The following TLL2 variants were observed in gnomAD, a reference collection of about 807,000 sequenced individuals.
TLL2 encodes tolloid like 2.
In TLL2, 106 loss-of-function variants were observed where a neutral mutation model predicts 123.0. The observed-to-expected ratio is 0.86, with a 90% CI of 0.74 to 1.01. The LOEUF (loss-of-function observed/expected upper bound fraction) is 1.01, where lower values mean the gene tolerates loss of function less well. TLL2 is among the 50% of genes least tolerant of loss of function. The pLI, the probability that TLL2 is intolerant of heterozygous loss-of-function variation, is 0.00. For missense variants in TLL2, 1,332 were observed against 1,336.7 expected, an observed-to-expected ratio of 1.00 and a Z score of 0.06; for synonymous variants, 494 against 516.8, an observed-to-expected ratio of 0.96 and a Z score of 0.60.
At chr10:96,496,433 A>G (rs575300365) in intron 1 of TLL2, among the ~76,000 whole-genome samples, 4 of 152,048 alleles carry the variant, frequency 2.6e-5, no homozygotes, top group Admixed American at 6.5e-5. Flanking sequence ...AGAGCGCCCT[A>G]CACAGCTAGG....
chr10:96,395,197 A>C lies in TLL2; in HGVS notation c.1716T>G (p.Asn572Lys), dbSNP rs1846326055. The C allele has an allele frequency of 6.2e-7, 1 of 1,602,592 alleles. No homozygotes were observed. The highest frequency in any genetic ancestry group is 1.7e-5 in the Admixed American group (1 of 57,562). The change falls in exon 13 of 21, where the codon AAT becomes AAG. Residue 572 changes from asparagine (N) to lysine (K), a missense_variant. Coordinates refer to ENST00000357947, the MANE Select transcript of TLL2 (RefSeq NM_012465.4). Reference sequence around the variant, plus strand: ...ACTGCTAATTCATACCCTTGAAAAAATTGGCTGCAAAGCCCGCTTTATTGA... The same window carrying C: ...ACTGCTAATTCATACCCTTGAAAAACTTGGCTGCAAAGCCCGCTTTATTGA... ...GSINKAGFAA[N>K]FFKEVDECSW...
chr10:96,375,620 C>T lies in TLL2; in HGVS notation c.2448+1072G>A, dbSNP rs140323788. ...TCTTAGCAGAGCAGCAGTTTCCCCA[C>T]GGGCAGCCCAGCATGTGAACTGCCC... On this transcript the variant is annotated intron_variant, in intron 18 of 20. Coordinates refer to ENST00000357947, the MANE Select transcript of TLL2 (RefSeq NM_012465.4). 2.8e-3 allele frequency among the ~76,000 whole-genome samples: 419 copies of T among 152,296 alleles called. 2 individuals are homozygous for T. The highest frequency in any genetic ancestry group is 5.0e-3 in the Admixed American group (77 of 15,308).
At chr10:96,376,668 CAAT>C in intron 18 of TLL2, 21 bp downstream of exon 18, 1 of 1,609,050 alleles carries the variant, frequency 6.2e-7, no homozygotes, top group Non-Finnish European at 8.5e-7. Flanking sequence ...TCCACATTCT[CAAT>C]AAACTACAAA....
chr10:96,505,486 C>T (rs1847570189), intron 1 of TLL2, among the ~76,000 whole-genome samples: 1 of 152,212 alleles, frequency 6.6e-6, no homozygotes, highest in Non-Finnish European at 1.5e-5. Context: ...GGATGCTTAC[C>T]ATGTTCAGAC....
At chr10:96,439,738 G>A (rs1273995168) in intron 3 of TLL2, among the ~76,000 whole-genome samples, 1 of 152,096 alleles carries the variant, frequency 6.6e-6, no homozygotes, top group East Asian at 1.9e-4. Flanking sequence ...AAGTTGGTAT[G>A]TAATACACTG....
intron 2 of TLL2, among the ~76,000 whole-genome samples, chr10:96,450,458 G>A (rs1846946825): frequency 6.6e-6 from 1 of 152,090 alleles, no homozygotes; most frequent in South Asian, 2.1e-4. Flanking sequence ...AGTTTAAAGA[G>A]TTCCCCAGGT....
intron 1 of TLL2, among the ~76,000 whole-genome samples, chr10:96,490,517 T>C (rs946665640): frequency 1.3e-5 from 2 of 152,212 alleles, no homozygotes; most frequent in South Asian, 2.1e-4. Context: ...AGTAGGGAAC[T>C]AAGCAATGAA....
At chr10:96,400,374 A>G (rs199686133) in intron 10 of TLL2, among the ~76,000 whole-genome samples, 2 of 152,008 alleles carry the variant, frequency 1.3e-5, no homozygotes, top group Admixed American at 6.6e-5. Flanking sequence ...AAAAAAAAAA[A>G]AAAAAACAAA....
intron 1 of TLL2, among the ~76,000 whole-genome samples, chr10:96,506,179 G>A (rs1847576038): frequency 6.9e-6 from 1 of 144,736 alleles, no homozygotes; most frequent in Admixed American, 7.2e-5. Flanking sequence ...TTGAATCCGG[G>A]AAGTGGAGGT....
chr10:96,481,626 G>A (rs1217473441), intron 1 of TLL2, among the ~76,000 whole-genome samples: 1 of 152,210 alleles, frequency 6.6e-6, no homozygotes, highest in East Asian at 1.9e-4. Flanking sequence ...TTTAGTCAAA[G>A]TGTTGCCTGC....
chr10:96,374,371 C>G (rs962390673), intron 18 of TLL2: 1 of 159,528 alleles, frequency 6.3e-6, no homozygotes, highest in Non-Finnish European at 1.4e-5. Flanking sequence ...GAGAGTTGGG[C>G]CATGATCTGG....
chr10:96,467,442 A>G (rs1038076169), intron 2 of TLL2, among the ~76,000 whole-genome samples: 1 of 152,098 alleles, frequency 6.6e-6, no homozygotes, highest in Non-Finnish European at 1.5e-5. Context: ...TATGTTCCCC[A>G]GGCTGGTCTC....
At chr10:96,469,491 C>T (rs1472375909) in intron 2 of TLL2, among the ~76,000 whole-genome samples, 2 of 152,204 alleles carry the variant, frequency 1.3e-5, no homozygotes, top group Non-Finnish European at 2.9e-5. Flanking sequence ...TGTGCCTCTG[C>T]TCTGCCTCTG....
In TLL2 at chr10:96,365,762, C is replaced by G. The variant is rs1426354598; in HGVS notation, c.*2326G>C. On this transcript the variant is annotated 3_prime_UTR_variant, in exon 21 of 21. Coordinates refer to ENST00000357947, the MANE Select transcript of TLL2 (RefSeq NM_012465.4). ...CAAGTGTGGGCTTCCAGAGGAGCGGCCCAGCTAGCCCCAGCTGAATCAGAG... is the reference window on the plus strand; with the variant it reads ...CAAGTGTGGGCTTCCAGAGGAGCGGGCCAGCTAGCCCCAGCTGAATCAGAG... 6.6e-6 allele frequency: 1 copy of G among 152,226 alleles called. No individual in the cohort carries two copies. The highest frequency in any genetic ancestry group is 2.4e-5 in the African/African-American group (1 of 41,462). 9.4% of individuals were successfully genotyped at this position (152,226 alleles called of 1,614,324 possible). A position where few individuals can be genotyped will look rare whatever the true frequency, so the allele number is the denominator to read the frequency against.
At chr10:96,420,737 T>C (rs947950505) in intron 7 of TLL2, among the ~76,000 whole-genome samples, 10 of 152,212 alleles carry the variant, frequency 6.6e-5, no homozygotes, top group Non-Finnish European at 1.0e-4. Flanking sequence ...CATTAGGGCA[T>C]GATGGAATGC....
intron 17 of TLL2, among the ~76,000 whole-genome samples, chr10:96,378,399 G>A (rs1846156546): frequency 1.7e-5 from 1 of 57,494 alleles, no homozygotes; most frequent in Non-Finnish European, 3.5e-5. Context: ...ACCTGGCCCT[G>A]AAGAATTCCC....
At chr10:96,445,181 T>C (rs979653246) in intron 3 of TLL2, among the ~76,000 whole-genome samples, 1 of 152,012 alleles carries the variant, frequency 6.6e-6, no homozygotes, top group Non-Finnish European at 1.5e-5. Context: ...AGAGCGAGAC[T>C]CCACCTCAAA....
chr10:96,390,277 T>G (rs186074809), intron 13 of TLL2, among the ~76,000 whole-genome samples: 338 of 152,308 alleles, frequency 2.2e-3, no homozygotes, highest in Middle Eastern at 0.01. Context: ...AGAAATCCCT[T>G]GAGGGAAGCC....
At chr10:96,380,933 C>T (rs536765900) in intron 16 of TLL2, among the ~76,000 whole-genome samples, 71 of 151,152 alleles carry the variant, frequency 4.7e-4, no homozygotes, top group African/African-American at 1.1e-3. Flanking sequence ...GCGGAGATTG[C>T]GCCATTGCAC....
Sources: allele counts gnomAD v4.1 joint callset (sites outside exome capture counted in the v4.1 genomes callset), GRCh38; gene constraint gnomAD v4.1.1; transcripts MANE v1.5; gene names NCBI Gene and HGNC (gene_info 2026-07-23, HGNC 2026-07-21).